The following GRID2 variants were observed in gnomAD, a reference collection of about 807,000 sequenced individuals.
GRID2 encodes glutamate receptor ionotropic, delta-2.
In GRID2, 33 loss-of-function variants were observed where a neutral mutation model predicts 114.8. The ratio of observed to expected loss-of-function variants is 0.29; its 90% CI spans 0.22 to 0.38. The LOEUF is 0.38. GRID2 is among the 10% of genes least tolerant of loss of function. The pLI is 1.00. For synonymous variants in GRID2, 505 were observed against 449.9 expected (o/e 1.12, Z -1.55); for missense variants, 1,184 against 1,257.7 (o/e 0.94, Z 0.89).
At chr4:92,859,521 C>T (rs939276091) in intron 2 of GRID2, among the ~76,000 whole-genome samples, 5 of 151,938 alleles carry the variant, frequency 3.3e-5, no homozygotes, top group African/African-American at 1.2e-4. Flanking sequence ...AATGAATTTC[C>T]CCTTCTTCCT....
chr4:92,710,374 A>C (rs1735188310), intron 2 of GRID2, among the ~76,000 whole-genome samples: 1 of 152,220 alleles, frequency 6.6e-6, no homozygotes, highest in African/African-American at 2.4e-5. Flanking sequence ...GGGTGCATTT[A>C]AAGATAACCA....
chr4:93,487,147 A>G (rs1033172905), intron 11 of GRID2, among the ~76,000 whole-genome samples: 2 of 151,812 alleles, frequency 1.3e-5, no homozygotes, highest in Non-Finnish European at 2.9e-5. Context: ...ATCTGTAACA[A>G]TGTACTTTTA....
At chr4:93,014,917 G>T (rs1286213001) in intron 2 of GRID2, among the ~76,000 whole-genome samples, 3 of 152,012 alleles carry the variant, frequency 2.0e-5, no homozygotes, top group Admixed American at 6.6e-5. Flanking sequence ...ATACAAAAGT[G>T]TTATTCACTA....
chr4:92,704,495 C>T (rs1225266711), intron 2 of GRID2, among the ~76,000 whole-genome samples: 1 of 152,136 alleles, frequency 6.6e-6, no homozygotes, highest in Non-Finnish European at 1.5e-5. Flanking sequence ...CCACATATCT[C>T]CATTGACTGC....
At chr4:93,043,773 G>C (rs1725850087) in intron 2 of GRID2, among the ~76,000 whole-genome samples, 1 of 152,000 alleles carries the variant, frequency 6.6e-6, no homozygotes, top group Admixed American at 6.6e-5. Flanking sequence ...TGGGGTGGGG[G>C]GAGCGGGGAG....
chr4:93,595,139 G>A (rs13121519), intron 13 of GRID2, among the ~76,000 whole-genome samples: 28,902 of 152,092 alleles, frequency 0.19, 3,207 homozygotes, highest in Middle Eastern at 0.32. Flanking sequence ...TGACCTCCAG[G>A]CCTCTATCTT....
chr4:93,573,639 T>G (rs1736137281), intron 13 of GRID2, among the ~76,000 whole-genome samples: 1 of 152,174 alleles, frequency 6.6e-6, no homozygotes, highest in South Asian at 2.1e-4. Flanking sequence ...ACTTTTTAAT[T>G]CTATGAAGTA....
At chr4:92,665,176 T>A (rs1732709886) in intron 2 of GRID2, among the ~76,000 whole-genome samples, 1 of 150,986 alleles carries the variant, frequency 6.6e-6, no homozygotes, top group South Asian at 2.1e-4. Flanking sequence ...CCCTTCATAT[T>A]TCCTTTTCTG....
At chr4:93,687,858 A>C (rs1726210409) in intron 14 of GRID2, among the ~76,000 whole-genome samples, 1 of 152,030 alleles carries the variant, frequency 6.6e-6, no homozygotes. Flanking sequence ...TAAGATTATA[A>C]AAGTATATTA....
At chr4:93,193,790 G>A (rs1334516037) in intron 4 of GRID2, among the ~76,000 whole-genome samples, 2 of 152,196 alleles carry the variant, frequency 1.3e-5, no homozygotes, top group Middle Eastern at 3.4e-3. Flanking sequence ...GATTTAAAAC[G>A]GGTATATGCT....
rs534949216 is a variant in GRID2, at chr4:93,069,517, A to G, written c.245-15478A>G. On this transcript the variant is annotated intron_variant, in intron 2 of 15. Transcript: ENST00000282020. ...TCTAGTAGCACCCAACCCCCAACAT[A>G]GAAACAGTAAAGTAAAAATGTCTGA... Among the ~76,000 whole-genome samples, 257 of 152,112 alleles carry G rather than the reference A, an allele frequency of 1.7e-3. 4 individuals are homozygous for G. Among genetic ancestry groups the G allele is most frequent in the Non-Finnish European group, 4.4e-4 (30 of 67,994 alleles).
chr4:93,281,825 A>G (rs1392985289), intron 8 of GRID2, among the ~76,000 whole-genome samples: 1 of 152,040 alleles, frequency 6.6e-6, no homozygotes, highest in Non-Finnish European at 1.5e-5. Flanking sequence ...GATAAGATTT[A>G]TGATTATCTT....
intron 12 of GRID2, among the ~76,000 whole-genome samples, chr4:93,497,654 A>T (rs549249538): frequency 2.0e-5 from 3 of 151,884 alleles, no homozygotes; most frequent in South Asian, 4.1e-4. Context: ...CAAAAAAAAA[A>T]ATCTGTTGGC....
At chr4:92,572,633 C>G (rs891551390) in intron 1 of GRID2, among the ~76,000 whole-genome samples, 1 of 152,046 alleles carries the variant, frequency 6.6e-6, no homozygotes, top group Non-Finnish European at 1.5e-5. Flanking sequence ...ATCAGCCTTG[C>G]ATCCTGGAGA....
chr4:93,547,422 A>T (rs1214848243), intron 13 of GRID2, among the ~76,000 whole-genome samples: 5 of 152,218 alleles, frequency 3.3e-5, no homozygotes, highest in Admixed American at 3.3e-4. Context: ...AAATGTAATT[A>T]GAGTCCTTAA....
intron 1 of GRID2, among the ~76,000 whole-genome samples, chr4:92,462,946 A>T (rs995323692): frequency 6.6e-6 from 1 of 152,064 alleles, no homozygotes. Context: ...ATTTGCGTAG[A>T]TATTTATTTC....
intron 14 of GRID2, among the ~76,000 whole-genome samples, chr4:93,700,221 C>A (rs912557937): frequency 1.3e-5 from 2 of 152,186 alleles, no homozygotes; most frequent in African/African-American, 4.8e-5. Context: ...CAGGTTTTTC[C>A]TGAACTTTCC....
At chr4:93,488,812 G>A (rs113908635) in intron 11 of GRID2, among the ~76,000 whole-genome samples, 43 of 151,992 alleles carry the variant, frequency 2.8e-4, no homozygotes, top group Admixed American at 1.3e-3. Context: ...TCCTCACATG[G>A]CCTTTCTTCC....
At chr4:93,597,039 A>G (rs1405476912) in intron 13 of GRID2, among the ~76,000 whole-genome samples, 1 of 152,228 alleles carries the variant, frequency 6.6e-6, no homozygotes, top group Non-Finnish European at 1.5e-5. Context: ...TTATCAGTAG[A>G]CAGTGAACAG....
Sources: allele counts gnomAD v4.1 joint callset (sites outside exome capture counted in the v4.1 genomes callset), GRCh38; gene constraint gnomAD v4.1.1; transcripts MANE v1.5; gene names NCBI Gene and HGNC (gene_info 2026-07-23, HGNC 2026-07-21).